The following IPO11 variants were observed in gnomAD, a reference collection of about 807,000 sequenced individuals.
The protein encoded by IPO11 is importin 11.
A neutral mutation model predicts 143.2 loss-of-function variants in IPO11; 66 were observed. The ratio of observed to expected loss-of-function variants is 0.46; its 90% confidence interval spans 0.38 to 0.57. The LOEUF (loss-of-function observed/expected upper bound fraction) is 0.57, where lower values mean the gene tolerates loss of function less well. IPO11 is among the 20% of genes least tolerant of loss of function. The pLI is 0.00. For synonymous variants in IPO11, 385 were observed against 377.8 expected, an observed-to-expected ratio of 1.02 and a Z score of -0.22; for missense variants, 1,026 against 1,141.0, an observed-to-expected ratio of 0.90 and a Z score of 1.45.
chr5:62,427,164 T>C (rs998447075), intron 1 of IPO11, among the ~76,000 whole-genome samples: 1 of 151,818 alleles, frequency 6.6e-6, no homozygotes, highest in Non-Finnish European at 1.5e-5. Flanking sequence ...GGTCTCGAGC[T>C]CCTTACCTCA....
chr5:62,447,188 C>T (rs1403716951), intron 3 of IPO11, among the ~76,000 whole-genome samples: 3 of 152,044 alleles, frequency 2.0e-5, no homozygotes, highest in Non-Finnish European at 4.4e-5. Flanking sequence ...TCAGTGTAAC[C>T]TCTAACTCCT....
intron 16 of IPO11, among the ~76,000 whole-genome samples, chr5:62,497,945 T>C (rs891396717): frequency 6.6e-6 from 1 of 152,216 alleles, no homozygotes; most frequent in African/African-American, 2.4e-5. Flanking sequence ...TCATATCCCA[T>C]GTTTACATGT....
chr5:62,438,590 T>G (rs1170309911), intron 2 of IPO11, among the ~76,000 whole-genome samples: 1 of 151,170 alleles, frequency 6.6e-6, no homozygotes, highest in African/African-American at 2.4e-5. Flanking sequence ...CCATCTCTAC[T>G]GAAAATACAA....
intron 19 of IPO11, among the ~76,000 whole-genome samples, chr5:62,508,069 C>T (rs1741616901): frequency 6.6e-6 from 1 of 152,226 alleles, no homozygotes; most frequent in African/African-American, 2.4e-5. Context: ...CCTTAACTCT[C>T]TTTAATATGC....
chr5:62,587,764 G>C (rs1744849156), intron 27 of IPO11, among the ~76,000 whole-genome samples: 4 of 152,140 alleles, frequency 2.6e-5, no homozygotes, highest in Admixed American at 2.6e-4. Context: ...CTTGTTATAA[G>C]CACTTTCCTT....
In IPO11 at chr5:62,483,124, T is replaced by A; in HGVS notation, c.852T>A (p.His284Gln). Residue 284 changes from histidine to glutamine, a missense_variant, in exon 10 of 30, where the codon CAT becomes CAA. Around this residue, in one of 5 missense-constraint regions of IPO11, gnomAD observed 429 missense variants for 456.3 expected, o/e 0.94. Transcript: ENST00000325324. ...AGCTTTTGGACTTCTTGGATCAGCA[T>A]CCTTTTTCATTTACTCCTCTAATTC... ...TKVLLDFLDQ[H>Q]PFSFTPLIQR... 2 of 1,601,608 alleles carry A rather than the reference T, an allele frequency of 1.2e-6. No individual in the cohort carries two copies. Among genetic ancestry groups the A allele is most frequent in the Non-Finnish European group, 8.5e-7 (1 of 1,173,388 alleles).
rs779981376 is a variant in IPO11, at chr5:62,462,911, T to C, written c.517-4220T>C. ...TTTTTTTTTTTCAGTGAGTCTGGCA[T>C]GTAGTGGTAGTGGGGGGTATTGAGA... On this transcript the variant is annotated intron_variant, in intron 5 of 29. Coordinates refer to ENST00000325324, the MANE Select transcript of IPO11 (RefSeq NM_016338.5). Among the ~76,000 whole-genome samples, 6 of 151,032 alleles carry C rather than the reference T, an allele frequency of 4.0e-5. No homozygotes were observed. The South Asian group carries it at 1.1e-3, about 26-fold the overall frequency.
Position 62,430,272 on chromosome 5 carries a change from T to A in IPO11, c.-6-7002T>A, listed in dbSNP as rs247244. 4.6e-5 allele frequency among the ~76,000 whole-genome samples: 7 copies of A among 152,102 alleles called. No individual in the cohort carries two copies. The East Asian group carries it at 1.4e-3, about 29-fold the overall frequency. ...AACTGCCAGACTTTTCCAAAGTCGCTGTTTTACATTTGCACCAGCAATGCA... is the reference window on the plus strand; with the variant it reads ...AACTGCCAGACTTTTCCAAAGTCGCAGTTTTACATTTGCACCAGCAATGCA... On this transcript the variant is annotated intron_variant, in intron 1 of 29. Transcript: ENST00000325324.
chr5:62,449,869 C>A, intron 3 of IPO11, 58 bp from the exon 4 acceptor site: 4 of 1,094,594 alleles, frequency 3.7e-6, no homozygotes, highest in East Asian at 2.5e-5. Flanking sequence ...TAATGCTTAC[C>A]TACATTTATT....
At chr5:62,516,810 C>T (rs1019064192) in intron 20 of IPO11, among the ~76,000 whole-genome samples, 7 of 152,070 alleles carry the variant, frequency 4.6e-5, no homozygotes, top group South Asian at 2.1e-4. Context: ...TCAACTGTCA[C>T]TACCATCCAT....
chr5:62,513,272 C>T (rs1479844508), intron 19 of IPO11, among the ~76,000 whole-genome samples: 1 of 135,470 alleles, frequency 7.4e-6, no homozygotes, highest in Non-Finnish European at 1.6e-5. Flanking sequence ...GCTGACCCCC[C>T]CACCTCCCTC....
At chr5:62,426,457 C>T (rs1257630664) in intron 1 of IPO11, among the ~76,000 whole-genome samples, 1 of 152,148 alleles carries the variant, frequency 6.6e-6, no homozygotes, top group African/African-American at 2.4e-5. Context: ...TAAACTTCCT[C>T]TCCTGAAATT....
intron 16 of IPO11, among the ~76,000 whole-genome samples, chr5:62,494,345 ATAAAG>A (rs1221560653): frequency 2.6e-5 from 4 of 152,176 alleles, no homozygotes; most frequent in African/African-American, 7.2e-5. Context: ...CTCTACTATT[ATAAAG>A]TAATTTATAA....
chr5:62,412,898 G>C lies in IPO11; in HGVS notation c.-38G>C, dbSNP rs935926818. On this transcript the variant is annotated 5_prime_UTR_variant, in exon 1 of 30. Transcript: ENST00000325324. Reference sequence around the variant, plus strand: ...ACTTCGTGTTGGGAAGTGGGAGCGGGAGGGCCGGGCAATTCCCGACCGAAC... The same window carrying C: ...ACTTCGTGTTGGGAAGTGGGAGCGGCAGGGCCGGGCAATTCCCGACCGAAC... 16 of 152,840 alleles carry C rather than the reference G, an allele frequency of 1.0e-4. No homozygotes were observed. Among genetic ancestry groups the C allele is most frequent in the African/African-American group, 3.8e-4 (16 of 41,586 alleles). 9.5% of individuals were successfully genotyped at this position (152,840 alleles called of 1,614,324 possible).
At chr5:62,513,681 C>T (rs1478412499) in intron 19 of IPO11, among the ~76,000 whole-genome samples, 8 of 141,226 alleles carry the variant, frequency 5.7e-5, no homozygotes, top group Admixed American at 1.4e-4. Flanking sequence ...GTTGGCCGGG[C>T]GGGGGGCTGA....
intron 5 of IPO11, among the ~76,000 whole-genome samples, chr5:62,459,082 G>C (rs1003641035): frequency 7.2e-5 from 11 of 152,096 alleles, no homozygotes; most frequent in African/African-American, 2.7e-4. Context: ...CCAGGGAGTA[G>C]AGTAGTTTTA....
chr5:62,485,358 A>C (rs1746360841), intron 11 of IPO11, 61 bp from the exon 12 acceptor site: 2 of 1,328,046 alleles, frequency 1.5e-6, no homozygotes, highest in Non-Finnish European at 2.2e-6. Context: ...GATGTTATTA[A>C]AATCTTTGTT....
intron 26 of IPO11, among the ~76,000 whole-genome samples, chr5:62,555,914 C>T (rs1455727121): frequency 6.6e-6 from 1 of 152,048 alleles, no homozygotes; most frequent in Non-Finnish European, 1.5e-5. Flanking sequence ...TCTCACAAAG[C>T]ACTGGAATTA....
chr5:62,514,288 C>T, intron 19 of IPO11, among the ~76,000 whole-genome samples: 1 of 152,120 alleles, frequency 6.6e-6, no homozygotes, highest in East Asian at 1.9e-4. Flanking sequence ...CCACTGCACT[C>T]CAGCCTGGGC....
Sources: allele counts gnomAD v4.1 joint callset (sites outside exome capture counted in the v4.1 genomes callset), GRCh38; gene constraint gnomAD v4.1.1; regional missense constraint gnomAD v4.1.1; transcripts MANE v1.5; gene names NCBI Gene and HGNC (gene_info 2026-07-23, HGNC 2026-07-21).